Variants in NR3C2 observed in about 807,000 individuals in gnomAD.
The protein encoded by NR3C2 is mineralocorticoid receptor.
A neutral mutation model predicts 86.4 loss-of-function variants in NR3C2; 15 were observed. The ratio of observed to expected loss-of-function variants is 0.17; its 90% confidence interval spans 0.12 to 0.27. The LOEUF is 0.27. NR3C2 is among the 10% of genes least tolerant of loss of function. The pLI, the probability that NR3C2 is intolerant of heterozygous loss-of-function variation, is 1.00. For missense variants in NR3C2, 960 were observed against 1,195.6 expected, an observed-to-expected ratio of 0.80 and a Z score of 2.91; for synonymous variants, 458 against 450.5, an observed-to-expected ratio of 1.02 and a Z score of -0.21.
intron 2 of NR3C2, among the ~76,000 whole-genome samples, chr4:148,358,370 A>C (rs1051619068): frequency 6.6e-5 from 10 of 151,562 alleles, no homozygotes; most frequent in African/African-American, 2.2e-4. Flanking sequence ...ATATCGCAAG[A>C]ACAAAAAACC....
chr4:148,320,995 G>A (rs909964664), intron 2 of NR3C2, among the ~76,000 whole-genome samples: 7 of 150,008 alleles, frequency 4.7e-5, no homozygotes, highest in Admixed American at 3.3e-4. Flanking sequence ...GATCTTTCCT[G>A]CTTTCTCTTG....
intron 8 of NR3C2, among the ~76,000 whole-genome samples, chr4:148,110,225 G>A (rs138896051): frequency 1.8e-3 from 271 of 152,260 alleles, no homozygotes; most frequent in African/African-American, 6.0e-3. Context: ...CTATCAACCT[G>A]TTCTTTCAGA....
rs564874762 is a variant in NR3C2, at chr4:148,436,225, A to G, written c.636T>C (p.Ser212=). 13 of 1,614,172 alleles carry G rather than the reference A, an allele frequency of 8.1e-6. No homozygotes were observed. The South Asian group carries it at 1.3e-4, about 16-fold the overall frequency. ...SSVCSPAGIN[S]VSSTTASFGS... ...CAAAGCTGGCTGTGGTGGAGGACAC[A>G]GAGTTGATTCCAGCAGGGCTGCAAA... Residue 212 remains serine (S), a synonymous_variant, in exon 2 of 9, where the codon TCT becomes TCC. Transcript: ENST00000358102.
chr4:148,272,090 C>A (rs781399675), intron 2 of NR3C2, among the ~76,000 whole-genome samples: 1 of 152,146 alleles, frequency 6.6e-6, no homozygotes, highest in Non-Finnish European at 1.5e-5. Flanking sequence ...TTCTAGGTCT[C>A]TTGATATGTA....
intron 6 of NR3C2, among the ~76,000 whole-genome samples, chr4:148,148,164 G>A (rs960822542): frequency 1.3e-5 from 2 of 151,316 alleles, no homozygotes; most frequent in Non-Finnish European, 3.0e-5. Context: ...CCAAACCTGA[G>A]TCTTCTTCCC....
chr4:148,175,109 T>C (rs1165210631), intron 4 of NR3C2, among the ~76,000 whole-genome samples: 1 of 152,060 alleles, frequency 6.6e-6, no homozygotes, highest in Non-Finnish European at 1.5e-5. Context: ...AAGAAATAGT[T>C]ACAGAATGCT....
At chr4:148,099,815 G>C (rs886730597) in intron 8 of NR3C2, among the ~76,000 whole-genome samples, 3 of 152,186 alleles carry the variant, frequency 2.0e-5, no homozygotes, top group African/African-American at 7.2e-5. Flanking sequence ...AAAGATTCCT[G>C]TGTGTCAGGT....
intron 2 of NR3C2, among the ~76,000 whole-genome samples, chr4:148,369,718 G>C (rs1274938908): frequency 6.6e-6 from 1 of 152,152 alleles, no homozygotes; most frequent in Non-Finnish European, 1.5e-5. Flanking sequence ...CCCATATCCA[G>C]AGACATCTAT....
intron 2 of NR3C2, among the ~76,000 whole-genome samples, chr4:148,288,756 A>T (rs566203652): frequency 2.0e-5 from 3 of 152,128 alleles, no homozygotes; most frequent in African/African-American, 7.2e-5. Flanking sequence ...GGTGGCTGGG[A>T]GTAGGGAGGG....
At chr4:148,329,176 C>T (rs1488189929) in intron 2 of NR3C2, among the ~76,000 whole-genome samples, 1 of 152,084 alleles carries the variant, frequency 6.6e-6, no homozygotes, top group Non-Finnish European at 1.5e-5. Flanking sequence ...ATGGTGATAT[C>T]CCTCAACCCC....
At chr4:148,097,675 G>A (rs901135185) in intron 8 of NR3C2, among the ~76,000 whole-genome samples, 5 of 151,612 alleles carry the variant, frequency 3.3e-5, no homozygotes, top group African/African-American at 7.3e-5. Context: ...TGTGGCCCAG[G>A]ACGGCTTTGA....
In NR3C2 at chr4:148,229,967, A is replaced by G. The variant is rs949835442; in HGVS notation, c.1897+30011T>C. 3.3e-5 allele frequency among the ~76,000 whole-genome samples: 5 copies of G among 152,250 alleles called. No individual in the cohort carries two copies. In the East Asian group the frequency reaches 9.7e-4, roughly 29 times the overall value. Reference sequence around the variant, plus strand: ...ACTCCAGGGAAATGCTTTGTTATCTAAGGTGATACCAACTGTTCACAAGTG... The same window carrying G: ...ACTCCAGGGAAATGCTTTGTTATCTGAGGTGATACCAACTGTTCACAAGTG... On this transcript the variant is annotated intron_variant, in intron 3 of 8. Transcript: ENST00000358102.
chr4:148,278,189 C>T (rs1579098090), intron 2 of NR3C2, among the ~76,000 whole-genome samples: 1 of 151,900 alleles, frequency 6.6e-6, no homozygotes, highest in East Asian at 1.9e-4. Context: ...GCCACCTCCA[C>T]CTCCACCTCC....
At chr4:148,292,440 G>T (rs941654658) in intron 2 of NR3C2, among the ~76,000 whole-genome samples, 6 of 151,938 alleles carry the variant, frequency 3.9e-5, no homozygotes, top group African/African-American at 1.2e-4. Flanking sequence ...TGTTAATATT[G>T]CTAAAACCCT....
In NR3C2 at chr4:148,286,479, G is replaced by A. The variant is rs552330172; in HGVS notation, c.1758-26362C>T. Among the ~76,000 whole-genome samples, 5 of 152,184 alleles carry A rather than the reference G, an allele frequency of 3.3e-5. No individual in the cohort carries two copies. In the South Asian group the frequency reaches 1.0e-3, roughly 32 times the overall value. ...ACATGGATCTTCACAATAACCATAT[G>A]GTCACTGCAAAAAGAAAATTCAGTC... On this transcript the variant is annotated intron_variant, in intron 2 of 8. Transcript: ENST00000358102.
chr4:148,405,653 T>G (rs1748383676), intron 2 of NR3C2, among the ~76,000 whole-genome samples: 1 of 152,198 alleles, frequency 6.6e-6, no homozygotes, highest in Non-Finnish European at 1.5e-5. Context: ...GAGAGACCTT[T>G]GGAATTTCAA....
chr4:148,246,754 T>C (rs537704881), intron 3 of NR3C2, among the ~76,000 whole-genome samples: 1 of 152,244 alleles, frequency 6.6e-6, no homozygotes, highest in South Asian at 2.1e-4. Context: ...GGTTTCACCA[T>C]GTTGGCCAGG....
At chr4:148,226,720 G>A (rs1738187235) in intron 3 of NR3C2, among the ~76,000 whole-genome samples, 2 of 152,094 alleles carry the variant, frequency 1.3e-5, no homozygotes, top group African/African-American at 2.4e-5. Context: ...GCGAGTTCCA[G>A]CTAATTCACA....
chr4:148,209,651 G>T (rs765409066), intron 3 of NR3C2, among the ~76,000 whole-genome samples: 2 of 152,140 alleles, frequency 1.3e-5, no homozygotes, highest in African/African-American at 4.8e-5. Context: ...TCAGTCACTC[G>T]TAAAAGAGAA....
Sources: gnomAD v4.1 joint callset for allele counts (sites outside exome capture counted in the v4.1 genomes callset) on GRCh38, gnomAD v4.1.1 for gene constraint, MANE v1.5 for transcripts, NCBI Gene and HGNC (gene_info 2026-07-23, HGNC 2026-07-21) for gene names.